Variants in ZNF429 observed in about 807,000 individuals in gnomAD.
ZNF429 encodes the protein zinc finger protein 429.
Under a neutral mutation model 56.8 loss-of-function variants are expected in ZNF429, and 53 were observed. The ratio of observed to expected loss-of-function variants is 0.93; its 90% CI spans 0.75 to 1.17. The LOEUF is 1.17. ZNF429 is among the 50% of genes most tolerant of loss of function. The pLI, the probability that ZNF429 is intolerant of heterozygous loss-of-function variation, is 0.00. For synonymous variants in ZNF429, 278 were observed against 264.7 expected (o/e 1.05, Z -0.49); for missense variants, 849 against 788.4 (o/e 1.08, Z -0.92).
At chr19:21,516,053 T>G (rs1033703236) in intron 1 of ZNF429, among the ~76,000 whole-genome samples, 1 of 151,874 alleles carries the variant, frequency 6.6e-6, no homozygotes, top group East Asian at 1.9e-4. Context: ...TGTTTTTTTG[T>G]TTTTTTAAAT....
Position 21,535,332 on chromosome 19 carries a change from TTCTTTTCTTTCCTTTC to T in ZNF429, c.227-947_227-932del. 1.1e-4 allele frequency among the ~76,000 whole-genome samples: 10 copies of T among 93,492 alleles called. 1 individual carries two copies. The highest frequency in any genetic ancestry group is 7.1e-4 in the Admixed American group (7 of 9,794). The allele number at this position is 93,492 out of a possible 152,430, so 61.3% of individuals were successfully genotyped here. On this transcript the variant is annotated intron_variant, in intron 3 of 3. Transcript: ENST00000358491. Reference sequence around the variant, plus strand: ...CTTTCTTTCTTTCTTTCTTTCTCTTTTCTTTTCTTTCCTTTCCTTTCTTTTCTTCTTTCTTTCTTTC... The same window carrying T: ...CTTTCTTTCTTTCTTTCTTTCTCTTTCTTTCTTTTCTTCTTTCTTTCTTTC...
chr19:21,508,592 C>T (rs1396572029), intron 1 of ZNF429, among the ~76,000 whole-genome samples: 2 of 151,946 alleles, frequency 1.3e-5, no homozygotes, highest in African/African-American at 4.8e-5. Context: ...AAAATATTTA[C>T]AAAGCGCATA....
chr19:21,514,479 C>T (rs2145426691), intron 1 of ZNF429, among the ~76,000 whole-genome samples: 1 of 151,920 alleles, frequency 6.6e-6, no homozygotes, highest in South Asian at 2.1e-4. Flanking sequence ...TGGGCTTCAC[C>T]TCCATTCATG....
chr19:21,527,373 T>C (rs1229667134), intron 1 of ZNF429, among the ~76,000 whole-genome samples: 1 of 152,224 alleles, frequency 6.6e-6, no homozygotes, highest in African/African-American at 2.4e-5. Context: ...ATCTCTTTAC[T>C]TGTGCCCTTT....
intron 1 of ZNF429, among the ~76,000 whole-genome samples, chr19:21,528,812 G>T (rs2033263234): frequency 6.6e-6 from 1 of 152,126 alleles, no homozygotes; most frequent in Admixed American, 6.5e-5. Flanking sequence ...TCTACTTTTA[G>T]GTAGCAAGAT....
chr19:21,527,853 AAAG>A (rs1360483693), intron 1 of ZNF429, among the ~76,000 whole-genome samples: 2 of 152,160 alleles, frequency 1.3e-5, no homozygotes, highest in African/African-American at 4.8e-5. Flanking sequence ...GAAATTGGAA[AAAG>A]AAGAATAAAT....
At chr19:21,514,966 T>C (rs6511259) in intron 1 of ZNF429, among the ~76,000 whole-genome samples, 92,315 of 150,716 alleles carry the variant, frequency 0.61, 28,613 homozygotes, top group African/African-American at 0.73. Flanking sequence ...TTTGAGATGG[T>C]GTCTCACTCT....
chr19:21,536,508 A>T lies in ZNF429; in HGVS notation c.455A>T (p.Lys152Ile). The T allele has an allele frequency of 6.2e-7, 1 of 1,612,796 alleles. No homozygotes were observed. Among genetic ancestry groups the T allele is most frequent in the Non-Finnish European group, 8.5e-7 (1 of 1,179,514 alleles). Residue 152 changes from lysine to isoleucine, a missense_variant, in exon 4 of 4, where the codon AAA becomes ATA. Lys to Ile is a moderately radical substitution (Grantham distance 102). Coordinates refer to ENST00000358491, the MANE Select transcript of ZNF429 (RefSeq NM_001001415.4). ...SKMYHCDIYVKVFYAFSNADR... is the reference protein window; with the variant it reads ...SKMYHCDIYVIVFYAFSNADR... ...ATGTATCACTGTGATATATATGTAA[A>T]AGTCTTTTATGCATTTTCAAATGCA...
intron 3 of ZNF429, among the ~76,000 whole-genome samples, chr19:21,535,420 CTTTCTTTCTTTCT>C: frequency 0.055 from 351 of 6,356 alleles, 59 homozygotes; most frequent in African/African-American, 0.11. Context: ...TCTTTTCTTT[CTTTCTTTCTTTCT>C]TTCTTTCTTT....
intron 1 of ZNF429, among the ~76,000 whole-genome samples, chr19:21,520,120 A>G (rs972186870): frequency 1.3e-5 from 2 of 152,098 alleles, no homozygotes; most frequent in African/African-American, 4.8e-5. Context: ...CAGCCTCCCA[A>G]AGTGCTAGGA....
intron 1 of ZNF429, among the ~76,000 whole-genome samples, chr19:21,516,547 A>T (rs1265863265): frequency 6.6e-6 from 1 of 152,106 alleles, no homozygotes; most frequent in Admixed American, 6.6e-5. Flanking sequence ...GGTTATTTTA[A>T]TGATACTGAT....
chr19:21,531,116 AAAAAAAAAAAAAAC>A, intron 3 of ZNF429, among the ~76,000 whole-genome samples: 1 of 86,158 alleles, frequency 1.2e-5, no homozygotes, highest in Admixed American at 1.1e-4. Flanking sequence ...CAAAAAAAAA[AAAAAAAAAAAAAAC>A]CAAAAAAAAA....
intron 1 of ZNF429, among the ~76,000 whole-genome samples, chr19:21,523,102 T>C (rs1177117289): frequency 6.6e-6 from 1 of 152,070 alleles, no homozygotes; most frequent in African/African-American, 2.4e-5. Context: ...AGAAACCAAA[T>C]CAGAGTAACA....
Position 21,537,281 on chromosome 19 carries a change from T to G in ZNF429, c.1228T>G (p.Ser410Ala). The change falls in exon 4 of 4, where the codon TCA becomes GCA. Residue 410 changes from serine to alanine, a missense_variant. Coordinates refer to ENST00000358491, the MANE Select transcript of ZNF429 (RefSeq NM_001001415.4). ...EKCGRVFTCS[S>A]TLTQDKKIHT... is the part of the protein sequence containing the mutation. Reference sequence around the variant, plus strand: ...ATGTGGCAGAGTTTTTACCTGTTCCTCAACACTTACTCAAGACAAGAAAAT... The same window carrying G: ...ATGTGGCAGAGTTTTTACCTGTTCCGCAACACTTACTCAAGACAAGAAAAT... 6.2e-7 allele frequency: 1 copy of G among 1,614,016 alleles called. No individual in the cohort carries two copies.
intron 1 of ZNF429, among the ~76,000 whole-genome samples, chr19:21,507,838 T>A (rs1462966852): frequency 6.6e-6 from 1 of 152,212 alleles, no homozygotes; most frequent in African/African-American, 2.4e-5. Context: ...GTTAAGACTG[T>A]GTTCACCCAG....
intron 1 of ZNF429, among the ~76,000 whole-genome samples, chr19:21,526,785 G>C (rs1027853285): frequency 2.0e-5 from 3 of 152,210 alleles, no homozygotes; most frequent in African/African-American, 7.2e-5. Context: ...ACTTGGGGGT[G>C]TCTCTCAGGT....
chr19:21,508,552 G>A (rs1003551321), intron 1 of ZNF429, among the ~76,000 whole-genome samples: 1 of 151,996 alleles, frequency 6.6e-6, no homozygotes, highest in Non-Finnish European at 1.5e-5. Flanking sequence ...ACTCTAAATT[G>A]CAATTTTTTA....
chr19:21,513,162 C>T (rs2032581672), intron 1 of ZNF429, among the ~76,000 whole-genome samples: 1 of 152,146 alleles, frequency 6.6e-6, no homozygotes, highest in Non-Finnish European at 1.5e-5. Flanking sequence ...TGAGCCACTG[C>T]ACCCGGCCCT....
intron 1 of ZNF429, among the ~76,000 whole-genome samples, chr19:21,520,713 T>A (rs182983825): frequency 6.6e-6 from 1 of 152,290 alleles, no homozygotes; most frequent in East Asian, 1.9e-4. Flanking sequence ...AAACTGATTA[T>A]CCAGGGTAAT....
Sources: gnomAD v4.1 joint callset for allele counts (sites outside exome capture counted in the v4.1 genomes callset) on GRCh38, gnomAD v4.1.1 for gene constraint, MANE v1.5 for transcripts, NCBI Gene and HGNC (gene_info 2026-07-23, HGNC 2026-07-21) for gene names.